Variants in NKAIN3 observed in about 807,000 individuals in gnomAD.
The protein encoded by NKAIN3 is sodium/potassium transporting ATPase interacting 3, also known as sodium/potassium-transporting ATPase subunit beta-1-interacting protein 3.
Under a neutral mutation model 30.2 loss-of-function variants are expected in NKAIN3, and 25 were observed. That is an observed-to-expected ratio of 0.83 (90% confidence interval 0.60 to 1.16). The LOEUF is 1.16. NKAIN3 is among the 50% of genes most tolerant of loss of function. NKAIN3 has a pLI of 0.00. For missense variants in NKAIN3, 225 were observed against 254.1 expected (o/e 0.89, Z 0.78); for synonymous variants, 91 against 89.6 (o/e 1.02, Z -0.09).
intron 3 of NKAIN3, among the ~76,000 whole-genome samples, chr8:62,698,527 C>A (rs1814234649): frequency 6.6e-6 from 1 of 152,136 alleles, no homozygotes; most frequent in South Asian, 2.1e-4. Flanking sequence ...TATGAGTCAC[C>A]TTAAGATCAT....
chr8:62,905,852 T>C (rs1232740277), intron 4 of NKAIN3, among the ~76,000 whole-genome samples: 1 of 152,228 alleles, frequency 6.6e-6, no homozygotes, highest in African/African-American at 2.4e-5. Context: ...CATGGACCCC[T>C]TCTCTGACTT....
At chr8:62,407,923 G>A (rs1434945133) in intron 1 of NKAIN3, among the ~76,000 whole-genome samples, 2 of 152,144 alleles carry the variant, frequency 1.3e-5, no homozygotes, top group Non-Finnish European at 2.9e-5. Context: ...GCTACCAGGA[G>A]GCTGAGACAA....
chr8:62,616,088 G>C (rs1811444846), intron 3 of NKAIN3, among the ~76,000 whole-genome samples: 1 of 152,104 alleles, frequency 6.6e-6, no homozygotes, highest in Non-Finnish European at 1.5e-5. Context: ...AATGAGAATA[G>C]GTTATGTGAA....
At chr8:62,855,375 T>C in intron 4 of NKAIN3, 1 of 753,768 alleles carries the variant, frequency 1.3e-6, no homozygotes, top group East Asian at 2.5e-5. Context: ...TCTTTCAGCA[T>C]GGGCACAGTG....
intron 1 of NKAIN3, among the ~76,000 whole-genome samples, chr8:62,308,739 C>T (rs533071874): frequency 6.6e-6 from 1 of 150,382 alleles, no homozygotes; most frequent in South Asian, 2.1e-4. Flanking sequence ...GACAAGCCAG[C>T]TACTGTAGAA....
At chr8:62,836,173 C>T (rs1045749454) in intron 4 of NKAIN3, among the ~76,000 whole-genome samples, 8 of 151,894 alleles carry the variant, frequency 5.3e-5, no homozygotes, top group African/African-American at 1.4e-4. Context: ...TAAACACTAA[C>T]GGAATACCAG....
At chr8:62,330,984 TTC>T (rs1195558985) in intron 1 of NKAIN3, among the ~76,000 whole-genome samples, 2 of 149,930 alleles carry the variant, frequency 1.3e-5, no homozygotes, top group Non-Finnish European at 1.5e-5. Context: ...ATCTCTAGAC[TTC>T]TCTCTCTCTC....
Position 62,805,899 on chromosome 8 carries a change from C to G in NKAIN3, c.471+58770C>G, listed in dbSNP as rs1217055728. Among the ~76,000 whole-genome samples the G allele has an allele frequency of 3.9e-5, 6 of 152,148 alleles. 1 individual carries two copies. In the South Asian group the frequency reaches 1.2e-3, roughly 31 times the overall value. On this transcript the variant is annotated intron_variant, in intron 4 of 6. Transcript: ENST00000623646. Reference sequence around the variant, plus strand: ...AATGGGAGAAAATTTTTGCAACCTACTCATCTGACAAAGGGCTAATATCCA... The same window carrying G: ...AATGGGAGAAAATTTTTGCAACCTAGTCATCTGACAAAGGGCTAATATCCA...
intron 4 of NKAIN3, chr8:62,856,641 G>C (rs1820067761): frequency 1.3e-6 from 1 of 771,058 alleles, no homozygotes; most frequent in Non-Finnish European, 2.4e-6. Flanking sequence ...AAAGAGGTTG[G>C]CACAGATACA....
intron 1 of NKAIN3, among the ~76,000 whole-genome samples, chr8:62,336,915 A>T (rs548814371): frequency 6.6e-6 from 1 of 152,108 alleles, no homozygotes; most frequent in East Asian, 1.9e-4. Flanking sequence ...ACTCAGCCTG[A>T]CCACTGAATG....
At chr8:62,384,452 C>T (rs1817365145) in intron 1 of NKAIN3, among the ~76,000 whole-genome samples, 1 of 152,026 alleles carries the variant, frequency 6.6e-6, no homozygotes, top group Non-Finnish European at 1.5e-5. Context: ...TAGTAATAGA[C>T]AAATATCTAA....
chr8:62,878,127 G>A (rs988592379), intron 4 of NKAIN3, among the ~76,000 whole-genome samples: 5 of 150,740 alleles, frequency 3.3e-5, no homozygotes, highest in African/African-American at 1.2e-4. Flanking sequence ...AATTTGCTTT[G>A]TTTCAATCTT....
At chr8:62,351,933 T>A (rs1302863006) in intron 1 of NKAIN3, among the ~76,000 whole-genome samples, 1 of 152,138 alleles carries the variant, frequency 6.6e-6, no homozygotes, top group Admixed American at 6.6e-5. Context: ...TTACAGAAGT[T>A]ATGTTCCAGG....
At chr8:62,448,477 CAAA>C (rs71255338) in intron 1 of NKAIN3, among the ~76,000 whole-genome samples, 2 of 139,802 alleles carry the variant, frequency 1.4e-5, no homozygotes, top group Non-Finnish European at 3.1e-5. Context: ...CTAGAAAATC[CAAA>C]AAAAAAAAAA....
chr8:62,396,953 G>A (rs1464255275), intron 1 of NKAIN3, among the ~76,000 whole-genome samples: 1 of 152,176 alleles, frequency 6.6e-6, no homozygotes, highest in Non-Finnish European at 1.5e-5. Context: ...AGCGGGCAGT[G>A]ATATACATAC....
chr8:62,598,405 T>A (rs139048528), intron 3 of NKAIN3, among the ~76,000 whole-genome samples: 154 of 152,158 alleles, frequency 1.0e-3, no homozygotes, highest in African/African-American at 3.4e-3. Flanking sequence ...CATGAGTGCC[T>A]AAGCGAAACC....
intron 4 of NKAIN3, among the ~76,000 whole-genome samples, chr8:62,794,654 C>T (rs999636421): frequency 1.3e-5 from 2 of 152,158 alleles, no homozygotes; most frequent in Non-Finnish European, 2.9e-5. Context: ...CTCTCCATCT[C>T]CTACACTTGT....
chr8:62,433,560 A>G (rs1805080832), intron 1 of NKAIN3, among the ~76,000 whole-genome samples: 1 of 152,138 alleles, frequency 6.6e-6, no homozygotes, highest in African/African-American at 2.4e-5. Flanking sequence ...ACAAAGCTCT[A>G]TTAGAAATAG....
At chr8:62,601,656 C>T (rs990309302) in intron 3 of NKAIN3, among the ~76,000 whole-genome samples, 1 of 151,994 alleles carries the variant, frequency 6.6e-6, no homozygotes, top group Non-Finnish European at 1.5e-5. Flanking sequence ...TATCTGCCCA[C>T]TTATTAAGGA....
Sources: allele counts gnomAD v4.1 joint callset (sites outside exome capture counted in the v4.1 genomes callset), GRCh38; gene constraint gnomAD v4.1.1; transcripts MANE v1.5; gene names NCBI Gene and HGNC (gene_info 2026-07-23, HGNC 2026-07-21).